ADAMTS2: variants seen among roughly 807,000 people sequenced by gnomAD.
ADAMTS2 encodes A disintegrin and metalloproteinase with thrombospondin motifs 2.
In ADAMTS2, 50 loss-of-function variants were observed where a neutral mutation model predicts 123.0. That is an observed-to-expected ratio of 0.41 (90% CI 0.32 to 0.51). The LOEUF is 0.51. Among genes scored for constraint, ADAMTS2 ranks in the 20% least tolerant of loss-of-function variants. ADAMTS2 has a pLI of 0.35. For missense variants in ADAMTS2, 1,494 were observed against 1,705.2 expected (o/e 0.88, Z 2.18); for synonymous variants, 678 against 695.4 (o/e 0.98, Z 0.39).
chr5:179,316,439 G>A (rs1454863115), intron 2 of ADAMTS2, among the ~76,000 whole-genome samples: 3 of 152,172 alleles, frequency 2.0e-5, no homozygotes, highest in Admixed American at 2.0e-4. Flanking sequence ...AGCTCAGGGG[G>A]TCATTGCATG....
intron 3 of ADAMTS2, among the ~76,000 whole-genome samples, chr5:179,264,935 CGCTG>C (rs1199796446): frequency 1.2e-5 from 1 of 81,214 alleles, no homozygotes; most frequent in East Asian, 5.5e-4. Flanking sequence ...GAGCTGAGCG[CGCTG>C]ACCCCTGCAC....
rs1762647435 is a variant in ADAMTS2, at chr5:179,115,743, C to A, written c.3179-1419G>T. On this transcript the variant is annotated intron_variant, in intron 21 of 21. Coordinates refer to ENST00000251582, the MANE Select transcript of ADAMTS2 (RefSeq NM_014244.5). The surrounding 1 kb of genome is among the most constrained non-coding windows in gnomAD (Gnocchi z 4.4). Reference sequence around the variant, plus strand: ...GAAAGGCTCAGGCATTGGATGGGAGCCACATCTGACAGTTATCCCATACAC... The same window carrying A: ...GAAAGGCTCAGGCATTGGATGGGAGACACATCTGACAGTTATCCCATACAC... 6.6e-6 allele frequency among the ~76,000 whole-genome samples: 1 copy of A among 151,994 alleles called. No individual in the cohort carries two copies. Among genetic ancestry groups the A allele is most frequent in the African/African-American group, 2.4e-5 (1 of 41,302 alleles).
At chr5:179,252,053 G>C (rs1371961596) in intron 3 of ADAMTS2, among the ~76,000 whole-genome samples, 2 of 148,554 alleles carry the variant, frequency 1.3e-5, no homozygotes, top group African/African-American at 5.0e-5. Context: ...TGTCACCCAG[G>C]CTGGAGTGCA....
intron 2 of ADAMTS2, among the ~76,000 whole-genome samples, chr5:179,289,665 C>T (rs1376441719): frequency 6.6e-6 from 1 of 152,180 alleles, no homozygotes; most frequent in African/African-American, 2.4e-5. Context: ...AGTCACAGCC[C>T]TAGAGCTCCC....
In ADAMTS2 at chr5:179,185,325, G is replaced by A. The variant is rs980206221; in HGVS notation, c.892-4170C>T. On this transcript the variant is annotated intron_variant, in intron 4 of 21. Transcript: ENST00000251582. This position sits in a 1 kb window ranked among gnomAD's most constrained non-coding sequence, Gnocchi z 5.9. ...GGATGAGTGCAGAGAAGGGACGGAT[G>A]TGAGGGATGATGTGGATTGGAATAG... Among the ~76,000 whole-genome samples, 2 of 152,202 alleles carry A rather than the reference G, an allele frequency of 1.3e-5. No individual in the cohort carries two copies. Among genetic ancestry groups the A allele is most frequent in the African/African-American group, 4.8e-5 (2 of 41,460 alleles).
chr5:179,338,978 A>C (rs1757694492), intron 2 of ADAMTS2, among the ~76,000 whole-genome samples: 1 of 152,104 alleles, frequency 6.6e-6, no homozygotes, highest in Non-Finnish European at 1.5e-5. Flanking sequence ...GGGGTCATCC[A>C]GGGAAGGGGG....
At position 179,330,382 on chromosome 5, in the gene ADAMTS2, C is replaced by T. The variant is rs545402107; in HGVS notation, c.534+13385G>A. Among the ~76,000 whole-genome samples the T allele has an allele frequency of 2.6e-5, 4 of 152,332 alleles. No homozygotes were observed. In the South Asian group the frequency reaches 6.2e-4, roughly 24 times the overall value. ...ATACCATGCCCAGTCCTGGACCAGC[C>T]ATCCCTGGCCCCAAAGGCCACAGCG... On this transcript the variant is annotated intron_variant, in intron 2 of 21. Coordinates refer to ENST00000251582, the MANE Select transcript of ADAMTS2 (RefSeq NM_014244.5).
chr5:179,153,451 C>G (rs1554126026), intron 9 of ADAMTS2, 40 bp downstream of exon 9: 1 of 1,602,104 alleles, frequency 6.2e-7, no homozygotes, highest in South Asian at 1.1e-5. Context: ...CGCCTCCCCC[C>G]AGACCTGGGA....
rs766503861 is a variant in ADAMTS2 at position 179,129,896 on chromosome 5, G to A, written c.2457+36C>T. ...CCCATCCCTCCCCCAGTGGCCACCCGCACCCTTCCCTGGGCCCAGCCCTGC... is the reference window on the plus strand; with the variant it reads ...CCCATCCCTCCCCCAGTGGCCACCCACACCCTTCCCTGGGCCCAGCCCTGC... On this transcript the variant is annotated intron_variant, in intron 16 of 21. Transcript: ENST00000251582. The surrounding 1 kb of genome is among the most constrained non-coding windows in gnomAD (Gnocchi z 4.1). 46 of 1,611,980 alleles carry A rather than the reference G, an allele frequency of 2.9e-5. No individual in the cohort carries two copies. The highest frequency in any genetic ancestry group is 4.4e-5 in the South Asian group (4 of 91,032).
intron 3 of ADAMTS2, among the ~76,000 whole-genome samples, chr5:179,220,662 G>A (rs1024435203): frequency 6.6e-6 from 1 of 152,010 alleles, no homozygotes; most frequent in Non-Finnish European, 1.5e-5. Flanking sequence ...ACCCCTCCAC[G>A]CTCTATGCCC....
rs1766550609 is a variant in ADAMTS2, at chr5:179,272,047, C to G, written c.688+864G>C. On this transcript the variant is annotated intron_variant, in intron 3 of 21. Transcript: ENST00000251582. This position sits in a 1 kb window ranked among gnomAD's most constrained non-coding sequence, Gnocchi z 5.8. ...GGCTGAGCTCGCAGCTTCCCACTCT[C>G]CCAGCAAGAGCCAAGCACAGGCCAG... Among the ~76,000 whole-genome samples the G allele has an allele frequency of 6.6e-6, 1 of 152,238 alleles. No individual in the cohort carries two copies. The highest frequency in any genetic ancestry group is 6.5e-5 in the Admixed American group (1 of 15,294).
Position 179,314,610 on chromosome 5 carries a change from C to T in ADAMTS2, c.534+29157G>A, listed in dbSNP as rs1489238161. 2.0e-5 allele frequency among the ~76,000 whole-genome samples: 3 copies of T among 152,314 alleles called. No homozygotes were observed. Among genetic ancestry groups the T allele is most frequent in the Non-Finnish European group, 4.4e-5 (3 of 68,016 alleles). On this transcript the variant is annotated intron_variant, in intron 2 of 21. Transcript: ENST00000251582. The surrounding 1 kb of genome is among the most constrained non-coding windows in gnomAD (Gnocchi z 4.5). ...TCCTCACTGGACTGTCTCCCTTTTA[C>T]AGATGAGGTGAGACAGCATGCAGAG... is the stretch of plus-strand genomic sequence containing the variant.
chr5:179,154,264 T>C (rs1326349362), intron 7 of ADAMTS2, 72 bp from the exon 8 acceptor site: 20 of 1,530,480 alleles, frequency 1.3e-5, no homozygotes, highest in Non-Finnish European at 1.7e-5. Flanking sequence ...ACCCCGATGA[T>C]AGGAGGGTGC....
At chr5:179,271,030 GACCTGGCAGCTGGCCTC>G (rs1384532942) in intron 3 of ADAMTS2, among the ~76,000 whole-genome samples, 1 of 152,194 alleles carries the variant, frequency 6.6e-6, no homozygotes, top group African/African-American at 2.4e-5. Flanking sequence ...CCTCACCCCT[GACCTGGCAGCTGGCCTC>G]ACCCAGCGTC....
intron 2 of ADAMTS2, among the ~76,000 whole-genome samples, chr5:179,299,312 G>C (rs187422692): frequency 1.0e-5 from 1 of 100,088 alleles, no homozygotes; most frequent in Non-Finnish European, 2.0e-5. Context: ...GGCGGATCAC[G>C]AGGTCAGGAG....
At chr5:179,142,526 T>G (rs937052689) in intron 10 of ADAMTS2, among the ~76,000 whole-genome samples, 2 of 152,178 alleles carry the variant, frequency 1.3e-5, no homozygotes, top group Non-Finnish European at 2.9e-5. Context: ...TCAAAAACAA[T>G]ACAGCAATCA....
chr5:179,339,341 C>A (rs769291590), intron 2 of ADAMTS2, among the ~76,000 whole-genome samples: 4 of 152,058 alleles, frequency 2.6e-5, no homozygotes, highest in Admixed American at 1.3e-4. Flanking sequence ...GCTGGTGGGC[C>A]GGGGGTTGAG....
At chr5:179,267,942 GTC>G (rs1241400899) in intron 3 of ADAMTS2, among the ~76,000 whole-genome samples, 1 of 152,228 alleles carries the variant, frequency 6.6e-6, no homozygotes, top group African/African-American at 2.4e-5. Flanking sequence ...GATAGGGGCT[GTC>G]TCTCGTACCC....
At chr5:179,235,656 GGAGAGGAAGGGCA>G (rs1765507230) in intron 3 of ADAMTS2, among the ~76,000 whole-genome samples, 2 of 152,202 alleles carry the variant, frequency 1.3e-5, no homozygotes, top group Admixed American at 1.3e-4. Context: ...GCCTTGCCCT[GGAGAGGAAGGGCA>G]GAGAGGAAGG....
Sources: allele counts gnomAD v4.1 joint callset (sites outside exome capture counted in the v4.1 genomes callset), GRCh38; gene constraint gnomAD v4.1.1; non-coding constraint Gnocchi (gnomAD v3.1); transcripts MANE v1.5; gene names NCBI Gene and HGNC (gene_info 2026-07-23, HGNC 2026-07-21).